PHEX: variants seen among roughly 807,000 people sequenced by gnomAD.
The protein encoded by PHEX is phosphate-regulating neutral endopeptidase PHEX.
A neutral mutation model predicts 68.0 loss-of-function variants in PHEX; 16 were observed. The observed-to-expected ratio is 0.24, with a 90% CI of 0.16 to 0.36. The LOEUF (loss-of-function observed/expected upper bound fraction) is 0.36, where lower values mean the gene tolerates loss of function less well. Among genes scored for constraint, PHEX ranks in the 10% least tolerant of loss-of-function variants. PHEX has a pLI of 1.00. For synonymous variants in PHEX, 208 were observed against 205.1 expected (o/e 1.01, Z -0.12); for missense variants, 480 against 575.5 (o/e 0.83, Z 1.70).
intron 15 of PHEX, among the ~76,000 whole-genome samples, chrX:22,197,686 G>C (rs752211762): frequency 1.7e-4 from 19 of 111,464 alleles, no homozygotes; most frequent in Non-Finnish European, 3.4e-4. Flanking sequence ...CAGAGAAATG[G>C]GGAGATAGCA....
chrX:22,157,675 G>A (rs1932992414), intron 12 of PHEX, among the ~76,000 whole-genome samples: 1 of 112,439 alleles, frequency 8.9e-6, no homozygotes, highest in African/African-American at 3.2e-5. Context: ...AATATATTGA[G>A]TTGGTGTTTT....
At chrX:22,043,058 T>G (rs1235266774) in intron 2 of PHEX, among the ~76,000 whole-genome samples, 3 of 112,460 alleles carry the variant, frequency 2.7e-5, no homozygotes, top group Non-Finnish European at 5.6e-5. Context: ...TGCACTTGCT[T>G]CAGGCCTGCC....
intron 18 of PHEX, among the ~76,000 whole-genome samples, chrX:22,224,968 G>GATTTATTATCATACAGCGCTGTATT: frequency 2.6e-5 from 3 of 113,532 alleles, no homozygotes; most frequent in Admixed American, 9.2e-5. Context: ...AGCGCTGTAT[G>GATTTATTATCATACAGCGCTGTATT]ATTTATTATC....
At chrX:22,102,429 C>T (rs1166085248) in intron 9 of PHEX, among the ~76,000 whole-genome samples, 1 of 112,234 alleles carries the variant, frequency 8.9e-6, no homozygotes, top group Non-Finnish European at 1.9e-5. Flanking sequence ...CTGAATGGTC[C>T]TCCGTTGTGT....
At chrX:22,235,895 C>G (rs1272819903) in intron 20 of PHEX, among the ~76,000 whole-genome samples, 2 of 110,771 alleles carry the variant, frequency 1.8e-5, no homozygotes, top group Non-Finnish European at 3.8e-5. Context: ...CATTACCAAC[C>G]TGCTGAAAGA....
At chrX:22,104,218 G>A (rs963590813) in intron 9 of PHEX, among the ~76,000 whole-genome samples, 1 of 111,688 alleles carries the variant, frequency 9.0e-6, no homozygotes, top group Non-Finnish European at 1.9e-5. Context: ...CCCACTGCCA[G>A]TCTAGGGGAT....
intron 20 of PHEX, among the ~76,000 whole-genome samples, chrX:22,239,597 C>G (rs1448212868): frequency 9.1e-6 from 1 of 110,152 alleles, no homozygotes; most frequent in East Asian, 2.9e-4. Context: ...GAAGCATACA[C>G]AAGTATCAAT....
intron 20 of PHEX, among the ~76,000 whole-genome samples, chrX:22,237,583 C>A (rs1184061286): frequency 8.9e-6 from 1 of 111,865 alleles, no homozygotes; most frequent in Admixed American, 9.5e-5. Context: ...CCAGATAAAT[C>A]TTTTTCAAAA....
At position 22,038,786 on chromosome X, in the gene PHEX, C is replaced by T. The variant is rs942230913; in HGVS notation, c.187+249C>T. 2.7e-5 allele frequency among the ~76,000 whole-genome samples: 3 copies of T among 111,634 alleles called. No homozygotes were observed. The Admixed American group carries it at 2.9e-4, about 11-fold the overall frequency. On this transcript the variant is annotated intron_variant, in intron 2 of 21. Coordinates refer to ENST00000379374, the MANE Select transcript of PHEX (RefSeq NM_000444.6). The stretch of plus-strand genomic sequence containing the variant: ...TTGTTACAAGGAAATCAGGAAGGGG[C>T]TTGGAAGGCTGAATGGCCTCTCTTA...
chrX:22,146,209 G>A, intron 12 of PHEX, among the ~76,000 whole-genome samples: 1 of 112,311 alleles, frequency 8.9e-6, no homozygotes, highest in Non-Finnish European at 1.9e-5. Context: ...CCAATGAACA[G>A]TATATTGATT....
intron 8 of PHEX, among the ~76,000 whole-genome samples, chrX:22,097,376 G>T (rs949530012): frequency 8.9e-6 from 1 of 112,295 alleles, no homozygotes; most frequent in Non-Finnish European, 1.9e-5. Context: ...TGTGTTTAGT[G>T]TGTTGGCTTT....
chrX:22,088,470 C>T (rs1929715559), intron 5 of PHEX, among the ~76,000 whole-genome samples: 1 of 111,254 alleles, frequency 9.0e-6, no homozygotes, highest in South Asian at 3.8e-4. Context: ...TCCCCACCAG[C>T]AGTTGTCAGA....
In PHEX at chrX:22,216,194, T is replaced by C. The variant is rs149805475; in HGVS notation, c.1701-2842T>C. ...TGGAGTAGATGACCTCTAAGCCATT[T>C]CCAACTCAGAAATTTTTATGAATTT... On this transcript the variant is annotated intron_variant, in intron 16 of 21. Coordinates refer to ENST00000379374, the MANE Select transcript of PHEX (RefSeq NM_000444.6). Among the ~76,000 whole-genome samples, 14 of 112,036 alleles carry C rather than the reference T, an allele frequency of 1.2e-4. No individual in the cohort carries two copies. In the East Asian group the frequency reaches 3.4e-3, roughly 27 times the overall value.
chrX:22,115,998 G>A (rs978841588), intron 11 of PHEX, among the ~76,000 whole-genome samples: 2 of 112,329 alleles, frequency 1.8e-5, no homozygotes, highest in South Asian at 7.4e-4. Context: ...GGATTGAATG[G>A]TAGTCCTATT....
intron 2 of PHEX, among the ~76,000 whole-genome samples, chrX:22,041,265 C>CTCTCTATATATATA (rs1468778300): frequency 8.2e-5 from 6 of 72,817 alleles, no homozygotes; most frequent in African/African-American, 2.5e-4. Context: ...CTCTCTCTCT[C>CTCTCTATATATATA]TATATATATA....
At chrX:22,220,530 C>G (rs1046054521) in intron 17 of PHEX, among the ~76,000 whole-genome samples, 4 of 111,858 alleles carry the variant, frequency 3.6e-5, no homozygotes, top group Non-Finnish European at 7.5e-5. Flanking sequence ...ATAGTCCTTT[C>G]TTCGTTCTGG....
intron 9 of PHEX, among the ~76,000 whole-genome samples, chrX:22,104,015 G>C (rs1208800391): frequency 8.9e-6 from 1 of 111,831 alleles, no homozygotes; most frequent in Non-Finnish European, 1.9e-5. Flanking sequence ...GAGTGAGGTG[G>C]TATCTCATTG....
At chrX:22,040,865 G>A (rs955411704) in intron 2 of PHEX, among the ~76,000 whole-genome samples, 6 of 110,381 alleles carry the variant, frequency 5.4e-5, no homozygotes, top group Non-Finnish European at 1.1e-4. Context: ...AGATGTCTCG[G>A]TGGAGGGCTC....
At chrX:22,198,025 T>C (rs910561394) in intron 15 of PHEX, among the ~76,000 whole-genome samples, 2 of 106,481 alleles carry the variant, frequency 1.9e-5, no homozygotes, top group African/African-American at 6.8e-5. Flanking sequence ...GTACATTTTA[T>C]AATCTAATAT....
Sources: gnomAD v4.1 joint callset for allele counts (sites outside exome capture counted in the v4.1 genomes callset) on GRCh38, gnomAD v4.1.1 for gene constraint, MANE v1.5 for transcripts, NCBI Gene and HGNC (gene_info 2026-07-23, HGNC 2026-07-21) for gene names.